Variants in ANKH observed in about 807,000 individuals in gnomAD.
The protein encoded by ANKH is ANKH inorganic pyrophosphate transport regulator.
In ANKH, 15 loss-of-function variants were observed where a neutral mutation model predicts 49.0. That is an observed-to-expected ratio of 0.31 (90% CI 0.20 to 0.47). ANKH has a LOEUF of 0.47. Among genes scored for constraint, ANKH ranks in the 20% least tolerant of loss-of-function variants. The probability of loss-of-function intolerance (pLI) is 1.00; values close to 1 mark genes in which losing one functional copy is unlikely to be tolerated. For missense variants in ANKH, 429 were observed against 652.0 expected (o/e 0.66, Z 3.72); for synonymous variants, 273 against 260.0 (o/e 1.05, Z -0.48).
chr5:14,723,474 C>T (rs781286504), intron 8 of ANKH, among the ~76,000 whole-genome samples: 1 of 151,854 alleles, frequency 6.6e-6, no homozygotes, highest in Non-Finnish European at 1.5e-5. Context: ...CCAGCCTGGA[C>T]AACACAAGAC....
chr5:14,817,397 A>G (rs1741072136), intron 1 of ANKH, among the ~76,000 whole-genome samples: 1 of 152,166 alleles, frequency 6.6e-6, no homozygotes, highest in Non-Finnish European at 1.5e-5. Context: ...GGGGTGAAAG[A>G]AAAAACAAAA....
chr5:14,760,658 C>G (rs12515433), intron 2 of ANKH, among the ~76,000 whole-genome samples: 32,146 of 152,168 alleles, frequency 0.21, 3,657 homozygotes, highest in Middle Eastern at 0.27. Flanking sequence ...TCAGCTGAGG[C>G]CACTGGCAAT....
At chr5:14,733,492 C>T (rs1738069623) in intron 8 of ANKH, among the ~76,000 whole-genome samples, 1 of 152,242 alleles carries the variant, frequency 6.6e-6, no homozygotes, top group African/African-American at 2.4e-5. Flanking sequence ...GAAGTCTCTC[C>T]TGTGCCCAGA....
chr5:14,806,553 C>T (rs1042974138), intron 1 of ANKH, among the ~76,000 whole-genome samples: 2 of 152,142 alleles, frequency 1.3e-5, no homozygotes, highest in Non-Finnish European at 2.9e-5. Context: ...GTGGCTGTGG[C>T]TGTGGCTGTA....
At chr5:14,817,244 G>A (rs1741064298) in intron 1 of ANKH, among the ~76,000 whole-genome samples, 1 of 152,006 alleles carries the variant, frequency 6.6e-6, no homozygotes, top group African/African-American at 2.4e-5. Context: ...TGTGTCAGAG[G>A]CTGTCTGACC....
At chr5:14,833,752 T>G (rs1166247111) in intron 1 of ANKH, among the ~76,000 whole-genome samples, 1 of 152,200 alleles carries the variant, frequency 6.6e-6, no homozygotes, top group African/African-American at 2.4e-5. Context: ...TATAGTATAA[T>G]GCAAAGCAGA....
At chr5:14,863,877 C>G (rs570479493) in intron 1 of ANKH, among the ~76,000 whole-genome samples, 1 of 152,288 alleles carries the variant, frequency 6.6e-6, no homozygotes, top group South Asian at 2.1e-4. Context: ...CTTGTCTCAT[C>G]TAAAAAGTGG....
chr5:14,769,042 G>C lies in ANKH; in HGVS notation c.246C>G (p.Asp82Glu). Residue 82 changes from aspartate to glutamate, a missense_variant, in exon 2 of 12, where the codon GAC becomes GAG. By Grantham distance (45) the Asp-to-Glu change is conservative (BLOSUM62 2). This residue lies in a region of ANKH where 378 missense variants were observed against 615.3 expected (regional missense o/e 0.61). Transcript: ENST00000284268. ...CCATACACAGGACGGCTTTGGTCCT[G>C]TCTCTCTTGCTGTTCACAAACACCA... is the stretch of plus-strand genomic sequence containing the variant. ...VGLVFVNSKR[D>E]RTKAVLCMVV... 6.2e-7 allele frequency: 1 copy of C among 1,614,208 alleles called. No homozygotes were observed. Among genetic ancestry groups the C allele is most frequent in the Non-Finnish European group, 8.5e-7 (1 of 1,180,038 alleles).
chr5:14,764,951 C>T (rs1221862383), intron 2 of ANKH, among the ~76,000 whole-genome samples: 6 of 152,138 alleles, frequency 3.9e-5, no homozygotes, highest in South Asian at 4.1e-4. Flanking sequence ...TCCACAGCAG[C>T]GGTTTCGACA....
intron 1 of ANKH, among the ~76,000 whole-genome samples, chr5:14,801,072 C>T (rs1740554156): frequency 1.3e-5 from 2 of 152,160 alleles, no homozygotes; most frequent in Non-Finnish European, 2.9e-5. Flanking sequence ...GTGTGTGTCA[C>T]TTGCTTTCAT....
At chr5:14,851,350 G>A (rs566546791) in intron 1 of ANKH, among the ~76,000 whole-genome samples, 282 of 152,316 alleles carry the variant, frequency 1.9e-3, no homozygotes, top group Non-Finnish European at 3.6e-3. Context: ...TGCCATTCGG[G>A]GCTCAGAAGG....
At position 14,720,322 on chromosome 5, in the gene ANKH, A is replaced by G. The variant is rs188591348; in HGVS notation, c.1012-3487T>C. On this transcript the variant is annotated intron_variant, in intron 8 of 11. Coordinates refer to ENST00000284268, the MANE Select transcript of ANKH (RefSeq NM_054027.6). ...AAAAAATACTTCCTTAGATCTAGCA[A>G]CTTGGAGCTCAGGGACTTTATTACC... Among the ~76,000 whole-genome samples, 493 of 152,318 alleles carry G rather than the reference A, an allele frequency of 3.2e-3. 5 individuals are homozygous for G. Among genetic ancestry groups the G allele is most frequent in the Non-Finnish European group, 4.6e-3 (311 of 68,036 alleles).
In ANKH at chr5:14,841,359, C is replaced by T. The variant is rs1741811453; in HGVS notation, c.96+29993G>A. Among the ~76,000 whole-genome samples the T allele has an allele frequency of 5.9e-5, 9 of 151,432 alleles. No homozygotes were observed. The South Asian group carries it at 1.9e-3, about 32-fold the overall frequency. ...TCACCCAGGCTAAAGTGCAATGGTG[C>T]GACCTCGGCTCACTGCAACCTCCGC... On this transcript the variant is annotated intron_variant, in intron 1 of 11. Transcript: ENST00000284268.
intron 1 of ANKH, among the ~76,000 whole-genome samples, chr5:14,782,487 C>T: frequency 6.6e-6 from 1 of 152,106 alleles, no homozygotes; most frequent in East Asian, 1.9e-4. Flanking sequence ...TAAAGTAAAA[C>T]CCTTTACTTT....
chr5:14,744,281 C>T (rs1426938212), intron 7 of ANKH, among the ~76,000 whole-genome samples: 1 of 141,930 alleles, frequency 7.0e-6, no homozygotes, highest in Non-Finnish European at 1.5e-5. Context: ...CTGAATATTC[C>T]CAGTAGGTGG....
rs1737297553 is a variant in ANKH at position 14,713,057 on chromosome 5, T to C, written c.1266-84A>G. On this transcript the variant is annotated intron_variant, in intron 10 of 11. Transcript: ENST00000284268. This position sits in a 1 kb window ranked among gnomAD's most constrained non-coding sequence, Gnocchi z 4.4. ...CGATGCCAAAACCCAGGAAAGTAAGTGTAGCCTCGAGACGGCTGAGACCAG... is the reference window on the plus strand; with the variant it reads ...CGATGCCAAAACCCAGGAAAGTAAGCGTAGCCTCGAGACGGCTGAGACCAG... 4 of 1,343,580 alleles carry C rather than the reference T, an allele frequency of 3.0e-6. No individual in the cohort carries two copies. The highest frequency in any genetic ancestry group is 3.1e-6 in the Non-Finnish European group (3 of 959,588). 83.2% of individuals were successfully genotyped at this position (1,343,580 alleles called of 1,614,324 possible). A position where few individuals can be genotyped will look rare whatever the true frequency, so the allele number is the denominator to read the frequency against.
chr5:14,794,762 G>T (rs1253583643), intron 1 of ANKH, among the ~76,000 whole-genome samples: 1 of 152,238 alleles, frequency 6.6e-6, no homozygotes, highest in Admixed American at 6.5e-5. Context: ...CTTGAGACTG[G>T]TAAACCAACA....
At chr5:14,869,195 T>C (rs1347319995) in intron 1 of ANKH, 1 of 152,226 alleles carries the variant, frequency 6.6e-6, no homozygotes, top group East Asian at 1.9e-4. Flanking sequence ...GTTCTTCTAT[T>C]CATCACCCAC....
At chr5:14,817,010 T>A (rs1250874175) in intron 1 of ANKH, among the ~76,000 whole-genome samples, 1 of 152,238 alleles carries the variant, frequency 6.6e-6, no homozygotes, top group East Asian at 1.9e-4. Flanking sequence ...GCTTCGATGA[T>A]CCCATACCAT....
Sources: gnomAD v4.1 joint callset for allele counts (sites outside exome capture counted in the v4.1 genomes callset) on GRCh38, gnomAD v4.1.1 for gene constraint, gnomAD v4.1.1 regional missense constraint, Gnocchi (gnomAD v3.1) non-coding constraint, MANE v1.5 for transcripts, NCBI Gene and HGNC (gene_info 2026-07-23, HGNC 2026-07-21) for gene names.